Variants in RPS6KC1 observed in about 807,000 individuals in gnomAD.
RPS6KC1 encodes ribosomal protein S6 kinase C1, also known as inactive ribosomal protein S6 kinase delta-1.
Under a neutral mutation model 103.8 loss-of-function variants are expected in RPS6KC1, and 54 were observed. The ratio of observed to expected loss-of-function variants is 0.52; its 90% CI spans 0.42 to 0.65. RPS6KC1 has a LOEUF of 0.65. RPS6KC1 is among the 30% of genes least tolerant of loss of function. RPS6KC1 has a pLI of 0.00. For missense variants in RPS6KC1, 1,151 were observed against 1,253.8 expected (o/e 0.92, Z 1.24); for synonymous variants, 439 against 438.7 (o/e 1.00, Z -0.01).
At chr1:213,491,649 G>T in the RPS6KC1 span, among the ~76,000 whole-genome samples, 1 of 152,198 alleles carries the variant, frequency 6.6e-6, no homozygotes, top group Non-Finnish European at 1.5e-5. Context: ...CAGAGCTGGC[G>T]AACAGGTGAC....
At chr1:213,764,953 C>T in the RPS6KC1 span, among the ~76,000 whole-genome samples, 1 of 152,144 alleles carries the variant, frequency 6.6e-6, no homozygotes, top group Non-Finnish European at 1.5e-5. Context: ...CTATAGGGGG[C>T]AGGGGTGGGG....
the RPS6KC1 span, among the ~76,000 whole-genome samples, chr1:213,400,508 C>T: frequency 6.6e-6 from 1 of 152,032 alleles, no homozygotes; most frequent in Non-Finnish European, 1.5e-5. Flanking sequence ...TTCCCTAGTT[C>T]TCTTCCCTGC....
the RPS6KC1 span, among the ~76,000 whole-genome samples, chr1:213,776,706 A>C: frequency 6.6e-6 from 1 of 152,200 alleles, no homozygotes; most frequent in Non-Finnish European, 1.5e-5. Context: ...GAGAATCAGC[A>C]TGGCCTTTGA....
the RPS6KC1 span, among the ~76,000 whole-genome samples, chr1:213,472,257 AAC>A: frequency 3.6e-4 from 55 of 152,380 alleles, no homozygotes; most frequent in Admixed American, 1.3e-3. Flanking sequence ...AAATTAATAA[AAC>A]ACAACTATTC....
the RPS6KC1 span, among the ~76,000 whole-genome samples, chr1:213,282,116 T>C: frequency 6.6e-6 from 1 of 152,238 alleles, no homozygotes; most frequent in Non-Finnish European, 1.5e-5. Flanking sequence ...CCGGCAGTTG[T>C]GCTGGCTGCT....
At chr1:213,800,868 T>G in the RPS6KC1 span, among the ~76,000 whole-genome samples, 1 of 152,364 alleles carries the variant, frequency 6.6e-6, no homozygotes, top group East Asian at 1.9e-4. Flanking sequence ...TCATTTTGAT[T>G]AGAGTTGAGC....
chr1:213,615,179 AT>A, the RPS6KC1 span, among the ~76,000 whole-genome samples: 8 of 152,192 alleles, frequency 5.3e-5, no homozygotes, highest in Non-Finnish European at 1.0e-4. Flanking sequence ...CAGCCACACA[AT>A]TTGAGAAACA....
At chr1:213,642,726 T>G in the RPS6KC1 span, among the ~76,000 whole-genome samples, 30 of 152,054 alleles carry the variant, frequency 2.0e-4, no homozygotes, top group African/African-American at 7.2e-4. Flanking sequence ...TTGTCAAGTT[T>G]TTTGGCTTCT....
chr1:213,570,494 T>G, the RPS6KC1 span, among the ~76,000 whole-genome samples: 1 of 152,202 alleles, frequency 6.6e-6, no homozygotes, highest in Non-Finnish European at 1.5e-5. Flanking sequence ...GCAGGAGAGT[T>G]GTAGCAATCA....
the RPS6KC1 span, among the ~76,000 whole-genome samples, chr1:213,293,701 G>A: frequency 6.6e-6 from 1 of 152,110 alleles, no homozygotes; most frequent in Admixed American, 6.5e-5. Flanking sequence ...TAAAGAAACT[G>A]TACCCCAGGT....
the RPS6KC1 span, among the ~76,000 whole-genome samples, chr1:213,769,767 G>C: frequency 3.9e-5 from 6 of 152,144 alleles, no homozygotes; most frequent in African/African-American, 1.4e-4. Context: ...AATTCTGAGT[G>C]GAATAGCTTT....
the RPS6KC1 span, among the ~76,000 whole-genome samples, chr1:213,300,816 T>C: frequency 1.3e-5 from 2 of 152,192 alleles, no homozygotes; most frequent in African/African-American, 4.8e-5. Context: ...TCGCCAAATA[T>C]CAGCATTTTA....
the RPS6KC1 span, among the ~76,000 whole-genome samples, chr1:213,499,590 G>A: frequency 6.6e-6 from 1 of 152,192 alleles, no homozygotes; most frequent in Non-Finnish European, 1.5e-5. Flanking sequence ...CACAGGCGGT[G>A]GAGCTCAGGA....
chr1:213,226,954 G>T (rs2148828607), intron 8 of RPS6KC1, among the ~76,000 whole-genome samples: 1 of 152,314 alleles, frequency 6.6e-6, no homozygotes, highest in Non-Finnish European at 1.5e-5. Context: ...GAAACCTGGA[G>T]CCAGACTACC....
intron 10 of RPS6KC1, 96 bp from the exon 11 acceptor site, chr1:213,240,606 T>C: frequency 9.8e-7 from 1 of 1,016,030 alleles, no homozygotes; most frequent in Non-Finnish European, 1.5e-6. Flanking sequence ...TTGTTTTGAT[T>C]GATTTTTAAG....
the RPS6KC1 span, among the ~76,000 whole-genome samples, chr1:213,711,700 G>A: frequency 5.3e-5 from 8 of 152,114 alleles, no homozygotes; most frequent in Admixed American, 3.9e-4. Flanking sequence ...GTTTTTGCAT[G>A]GTCGTCCTTT....
chr1:213,362,954 C>A, the RPS6KC1 span, among the ~76,000 whole-genome samples: 1 of 152,190 alleles, frequency 6.6e-6, no homozygotes, highest in Admixed American at 6.5e-5. Context: ...AAATTTTGGA[C>A]ATGTCAGCCT....
At chr1:213,668,637 T>C in the RPS6KC1 span, among the ~76,000 whole-genome samples, 1 of 152,136 alleles carries the variant, frequency 6.6e-6, no homozygotes, top group African/African-American at 2.4e-5. Context: ...ATCCAGCCTA[T>C]CTTTTGAAGC....
the RPS6KC1 span, among the ~76,000 whole-genome samples, chr1:213,809,101 A>G: frequency 6.6e-6 from 1 of 152,036 alleles, no homozygotes; most frequent in Non-Finnish European, 1.5e-5. Context: ...TATTATTTCT[A>G]GCTTTTGATT....
Sources: allele counts gnomAD v4.1 joint callset (sites outside exome capture counted in the v4.1 genomes callset), GRCh38; gene constraint gnomAD v4.1.1; transcripts MANE v1.5; gene names NCBI Gene and HGNC (gene_info 2026-07-23, HGNC 2026-07-21).